Variants in IGSF21 observed in about 807,000 individuals in gnomAD.
IGSF21 encodes immunoglobin superfamily member 21, also known as immunoglobulin superfamily member 21.
Under a neutral mutation model 46.8 loss-of-function variants are expected in IGSF21, and 28 were observed. The observed-to-expected ratio is 0.60, with a 90% confidence interval of 0.44 to 0.82. The LOEUF is 0.82. IGSF21 is among the 40% of genes least tolerant of loss of function. The pLI is 0.00. For missense variants in IGSF21, 624 were observed against 665.5 expected (o/e 0.94, Z 0.69); for synonymous variants, 284 against 273.6 (o/e 1.04, Z -0.38).
chr1:18,141,765 T>C (rs1201991477), intron 1 of IGSF21, among the ~76,000 whole-genome samples: 1 of 152,178 alleles, frequency 6.6e-6, no homozygotes, highest in African/African-American at 2.4e-5. Flanking sequence ...ATACACTTTA[T>C]ACAATTTAAA....
chr1:18,298,985 T>C (rs928283598), intron 3 of IGSF21, among the ~76,000 whole-genome samples: 18 of 152,332 alleles, frequency 1.2e-4, no homozygotes, highest in Non-Finnish European at 2.1e-4. Flanking sequence ...ACGAGATAAA[T>C]AGCTAACAAT....
chr1:18,123,947 AC>A (rs1258794772), intron 1 of IGSF21, among the ~76,000 whole-genome samples: 1 of 152,108 alleles, frequency 6.6e-6, no homozygotes, highest in Non-Finnish European at 1.5e-5. Flanking sequence ...TGCTGGCCCC[AC>A]CCTGGGAAGC....
intron 2 of IGSF21, among the ~76,000 whole-genome samples, chr1:18,247,443 C>T (rs2084796416): frequency 6.6e-6 from 1 of 152,088 alleles, no homozygotes; most frequent in Admixed American, 6.5e-5. Context: ...GGGTGCCATC[C>T]TTTGAGTGTG....
chr1:18,228,332 G>A (rs1465303881), intron 2 of IGSF21, among the ~76,000 whole-genome samples: 1 of 152,218 alleles, frequency 6.6e-6, no homozygotes, highest in Middle Eastern at 3.2e-3. Flanking sequence ...AGTGATATCT[G>A]ATGGTGGAAT....
intron 4 of IGSF21, among the ~76,000 whole-genome samples, chr1:18,341,007 T>TTC (rs1279188014): frequency 7.5e-5 from 9 of 120,794 alleles, no homozygotes; most frequent in Admixed American, 3.3e-4. Flanking sequence ...CTCCTCCTCC[T>TTC]TCTTCTCTTC....
At chr1:18,122,591 T>G (rs1274425157) in intron 1 of IGSF21, among the ~76,000 whole-genome samples, 2 of 151,884 alleles carry the variant, frequency 1.3e-5, no homozygotes, top group African/African-American at 4.8e-5. Context: ...GAATAATGTA[T>G]GGGTTTGTTG....
At chr1:18,328,449 C>T (rs566174750) in intron 3 of IGSF21, among the ~76,000 whole-genome samples, 9 of 152,304 alleles carry the variant, frequency 5.9e-5, no homozygotes, top group South Asian at 4.1e-4. Context: ...ATGACTTTCA[C>T]GCTGTCTTAA....
At chr1:18,338,564 A>G (rs138380992) in intron 4 of IGSF21, among the ~76,000 whole-genome samples, 2 of 152,304 alleles carry the variant, frequency 1.3e-5, no homozygotes, top group Non-Finnish European at 2.9e-5. Flanking sequence ...AGCACAGAGC[A>G]GTTCCACCAG....
At chr1:18,185,835 G>T (rs1040946575) in intron 1 of IGSF21, among the ~76,000 whole-genome samples, 1 of 152,206 alleles carries the variant, frequency 6.6e-6, no homozygotes, top group African/African-American at 2.4e-5. Context: ...AGCTGGTCAT[G>T]TGTTTGTTGC....
intron 3 of IGSF21, among the ~76,000 whole-genome samples, chr1:18,294,862 A>C (rs1372915064): frequency 6.6e-6 from 1 of 152,260 alleles, no homozygotes; most frequent in Non-Finnish European, 1.5e-5. Context: ...CTGCCTCTTC[A>C]GGCTGCAGAG....
At chr1:18,294,850 G>T (rs1172679101) in intron 3 of IGSF21, among the ~76,000 whole-genome samples, 3 of 152,266 alleles carry the variant, frequency 2.0e-5, no homozygotes, top group African/African-American at 7.2e-5. Context: ...TGCTGGGGGC[G>T]ACTGCCTCTT....
At chr1:18,345,470 C>T (rs708084) in intron 4 of IGSF21, among the ~76,000 whole-genome samples, 52,182 of 151,930 alleles carry the variant, frequency 0.34, 9,126 homozygotes, top group South Asian at 0.42. Context: ...ATGCAACCTC[C>T]GCCTCCTGAG....
intron 2 of IGSF21, among the ~76,000 whole-genome samples, chr1:18,235,106 A>G (rs2124512727): frequency 6.6e-6 from 1 of 152,360 alleles, no homozygotes; most frequent in East Asian, 1.9e-4. Flanking sequence ...TCTGAGACTC[A>G]TTCTACAGTT....
rs560004737 is a variant in IGSF21 at position 18,203,846 on chromosome 1, C to T, written c.71-24052C>T. On this transcript the variant is annotated intron_variant, in intron 1 of 9. Coordinates refer to ENST00000251296, the MANE Select transcript of IGSF21 (RefSeq NM_032880.5). ...ATTTTAGGCTTTGTAGTCCACAGGG[C>T]AAAATCGAAACTGTTATGTGGGTAT... is the stretch of plus-strand genomic sequence containing the variant. Among the ~76,000 whole-genome samples, 14 of 152,276 alleles carry T rather than the reference C, an allele frequency of 9.2e-5. 2 individuals carry two copies. Among genetic ancestry groups the T allele is most frequent in the African/African-American group, 3.4e-4 (14 of 41,556 alleles).
At chr1:18,283,439 C>G (rs143251646) in intron 2 of IGSF21, among the ~76,000 whole-genome samples, 1 of 152,128 alleles carries the variant, frequency 6.6e-6, no homozygotes, top group African/African-American at 2.4e-5. Flanking sequence ...CCTGCCCTAC[C>G]CTCTCTGAGG....
At chr1:18,315,656 A>AGATG (rs1472387992) in intron 3 of IGSF21, among the ~76,000 whole-genome samples, 1 of 150,230 alleles carries the variant, frequency 6.7e-6, no homozygotes, top group South Asian at 2.1e-4. Context: ...GTGGATGGGT[A>AGATG]GATGGATGGA....
chr1:18,223,364 C>T (rs1165874174), intron 1 of IGSF21, among the ~76,000 whole-genome samples: 1 of 152,236 alleles, frequency 6.6e-6, no homozygotes, highest in African/African-American at 2.4e-5. Context: ...GGATACCACC[C>T]AGAATTCCCA....
intron 1 of IGSF21, among the ~76,000 whole-genome samples, chr1:18,127,309 G>A (rs1448379159): frequency 6.6e-6 from 1 of 152,220 alleles, no homozygotes. Flanking sequence ...AGGGCTGTGG[G>A]ATAGTGAGGG....
chr1:18,257,647 C>T (rs1003550426), intron 2 of IGSF21, among the ~76,000 whole-genome samples: 7 of 152,144 alleles, frequency 4.6e-5, no homozygotes, highest in Admixed American at 1.3e-4. Context: ...GCAAAGGCAC[C>T]GAGCTACAGC....
Sources: gnomAD v4.1 joint callset for allele counts (sites outside exome capture counted in the v4.1 genomes callset) on GRCh38, gnomAD v4.1.1 for gene constraint, MANE v1.5 for transcripts, NCBI Gene and HGNC (gene_info 2026-07-23, HGNC 2026-07-21) for gene names.